Variants in IRAK2 observed in about 807,000 individuals in gnomAD.
IRAK2 encodes interleukin-1 receptor-associated kinase-like 2.
Under a neutral mutation model 72.0 loss-of-function variants are expected in IRAK2, and 57 were observed. The ratio of observed to expected loss-of-function variants is 0.79; its 90% CI spans 0.64 to 0.99. The LOEUF is 0.99. Ranked by LOEUF, IRAK2 falls within the 50% of genes least tolerant of loss-of-function variation. IRAK2 has a pLI of 0.00. For synonymous variants in IRAK2, 293 were observed against 312.7 expected, an observed-to-expected ratio of 0.94 and a Z score of 0.67; for missense variants, 790 against 794.4, an observed-to-expected ratio of 0.99 and a Z score of 0.07.
At chr3:10,200,613 T>C (rs1697343789) in intron 3 of IRAK2, 98 bp downstream of exon 3, 1 of 1,090,112 alleles carries the variant, frequency 9.2e-7, no homozygotes, top group Middle Eastern at 3.4e-4. Context: ...GAGCAAAAAA[T>C]TGAGGCTGAG....
intron 10 of IRAK2, among the ~76,000 whole-genome samples, chr3:10,229,917 A>G (rs1697833821): frequency 6.6e-6 from 1 of 152,156 alleles, no homozygotes; most frequent in Non-Finnish European, 1.5e-5. Flanking sequence ...CCTGGGCAAC[A>G]TGGTGAAACC....
At chr3:10,199,544 T>C (rs764883838) in intron 2 of IRAK2, among the ~76,000 whole-genome samples, 15 of 152,084 alleles carry the variant, frequency 9.9e-5, no homozygotes, top group Non-Finnish European at 2.2e-4. Flanking sequence ...TGCGTTTGTC[T>C]CCACTGCGTG....
intron 2 of IRAK2, among the ~76,000 whole-genome samples, chr3:10,184,163 A>G (rs1697007063): frequency 6.6e-6 from 1 of 152,228 alleles, no homozygotes; most frequent in Non-Finnish European, 1.5e-5. Flanking sequence ...GGACATGACC[A>G]GGAAGTTGCT....
chr3:10,190,545 A>T (rs960830921), intron 2 of IRAK2, among the ~76,000 whole-genome samples: 4 of 152,130 alleles, frequency 2.6e-5, no homozygotes, highest in Admixed American at 1.3e-4. Flanking sequence ...GCAAGGCTTT[A>T]ATCACTGTTG....
Position 10,239,003 on chromosome 3 carries a change from T to G in IRAK2, c.1729T>G (p.Ser577Ala). 6.2e-7 allele frequency: 1 copy of G among 1,612,486 alleles called. No individual in the cohort carries two copies. Among genetic ancestry groups the G allele is most frequent in the Non-Finnish European group, 8.5e-7 (1 of 1,179,208 alleles). Residue 577 changes from serine to alanine, a missense_variant, in exon 12 of 13, where the codon TCT (serine) becomes GCT (alanine). Ser to Ala is a moderately conservative substitution (Grantham distance 99). Coordinates refer to ENST00000256458, the MANE Select transcript of IRAK2 (RefSeq NM_001570.4). ...VIVGREADSS[S>A]EACVGLEPPQ... ...CGTGGGAAGGGAGGCTGACTCCTCC[T>G]CTGAGGCCTGTGTTGGCCTGGAGCC...
intron 2 of IRAK2, among the ~76,000 whole-genome samples, chr3:10,181,241 G>A (rs1422990016): frequency 3.3e-5 from 5 of 152,010 alleles, no homozygotes; most frequent in Non-Finnish European, 7.4e-5. Flanking sequence ...CTCCTGAGCC[G>A]CTGCCGTTCC....
intron 2 of IRAK2, among the ~76,000 whole-genome samples, chr3:10,189,394 G>C (rs922395111): frequency 6.6e-6 from 1 of 152,238 alleles, no homozygotes. Context: ...TTTCACCGGA[G>C]AGTGAAGGGA....
chr3:10,201,371 C>T (rs1697358070), intron 3 of IRAK2, among the ~76,000 whole-genome samples: 1 of 152,250 alleles, frequency 6.6e-6, no homozygotes, highest in Non-Finnish European at 1.5e-5. Flanking sequence ...GACCATTTCT[C>T]TGTCCATTCT....
chr3:10,220,454 T>G (rs1221812125), intron 8 of IRAK2, among the ~76,000 whole-genome samples: 1 of 152,068 alleles, frequency 6.6e-6, no homozygotes, highest in Non-Finnish European at 1.5e-5. Context: ...TTTTTTTTTG[T>G]TTTTTGAGAC....
At chr3:10,205,568 G>T (rs2125153094) in intron 3 of IRAK2, among the ~76,000 whole-genome samples, 1 of 152,336 alleles carries the variant, frequency 6.6e-6, no homozygotes, top group South Asian at 2.1e-4. Flanking sequence ...GGCACAGAAG[G>T]ACCCTGTGTG....
chr3:10,219,938 CT>C, intron 8 of IRAK2, 149 bp downstream of exon 8: 2 of 634,354 alleles, frequency 3.2e-6, no homozygotes, highest in Admixed American at 2.6e-5. Flanking sequence ...CCCTGGATGT[CT>C]TTTTCTCTGT....
intron 3 of IRAK2, among the ~76,000 whole-genome samples, chr3:10,208,790 G>A (rs1697472387): frequency 6.6e-6 from 1 of 151,552 alleles, no homozygotes; most frequent in African/African-American, 2.4e-5. Flanking sequence ...AAAATCTTTT[G>A]TAGAAACGGG....
intron 1 of IRAK2, among the ~76,000 whole-genome samples, chr3:10,167,565 C>T (rs972467981): frequency 2.0e-5 from 3 of 152,076 alleles, no homozygotes; most frequent in South Asian, 2.1e-4. Flanking sequence ...CAGGTGCCTG[C>T]CACCATGCCC....
chr3:10,224,355 A>G (rs79722876), intron 9 of IRAK2, among the ~76,000 whole-genome samples: 1 of 151,590 alleles, frequency 6.6e-6, no homozygotes, highest in Non-Finnish European at 1.5e-5. Flanking sequence ...AAAAAAAGAA[A>G]AAAAAGAACC....
At chr3:10,195,199 A>G (rs1697244152) in intron 2 of IRAK2, among the ~76,000 whole-genome samples, 1 of 152,214 alleles carries the variant, frequency 6.6e-6, no homozygotes, top group African/African-American at 2.4e-5. Flanking sequence ...GGTGGCCTTG[A>G]TGTTCCTGCC....
chr3:10,206,252 G>A (rs952650101), intron 3 of IRAK2, among the ~76,000 whole-genome samples: 1 of 152,172 alleles, frequency 6.6e-6, no homozygotes, highest in Non-Finnish European at 1.5e-5. Flanking sequence ...TGTACCCTCT[G>A]CACACAGTGC....
intron 2 of IRAK2, among the ~76,000 whole-genome samples, chr3:10,185,356 G>C (rs1191724062): frequency 1.3e-5 from 2 of 148,788 alleles, no homozygotes; most frequent in African/African-American, 5.0e-5. Flanking sequence ...TCGGGAGTTC[G>C]GGACCAGCCT....
At chr3:10,191,270 G>A (rs1281857389) in intron 2 of IRAK2, among the ~76,000 whole-genome samples, 2 of 150,592 alleles carry the variant, frequency 1.3e-5, no homozygotes, top group African/African-American at 4.9e-5. Context: ...ACTCCAGCCT[G>A]GGCAACAGAG....
chr3:10,226,730 C>T (rs1271438323), intron 10 of IRAK2, among the ~76,000 whole-genome samples: 5 of 151,574 alleles, frequency 3.3e-5, no homozygotes, highest in Admixed American at 3.3e-4. Context: ...CCAGCCTGGC[C>T]AACATGGTGA....
Sources: gnomAD v4.1 joint callset for allele counts (sites outside exome capture counted in the v4.1 genomes callset) on GRCh38, gnomAD v4.1.1 for gene constraint, MANE v1.5 for transcripts, NCBI Gene and HGNC (gene_info 2026-07-23, HGNC 2026-07-21) for gene names.